HS2ST1: variants seen among roughly 807,000 people sequenced by gnomAD.
HS2ST1 encodes the protein 2-O-sulfotransferase.
Under a neutral mutation model 42.9 loss-of-function variants are expected in HS2ST1, and 18 were observed. That is an observed-to-expected ratio of 0.42 (90% confidence interval 0.29 to 0.62). HS2ST1 has a LOEUF of 0.62. HS2ST1 is among the 20% of genes least tolerant of loss of function. The probability of loss-of-function intolerance (pLI) is 0.21; values close to 1 mark genes in which losing one functional copy is unlikely to be tolerated. For missense variants in HS2ST1, 334 were observed against 433.8 expected (o/e 0.77, Z 2.04); for synonymous variants, 146 against 152.9 (o/e 0.95, Z 0.33).
At chr1:86,917,731 T>C (rs1430473717) in intron 1 of HS2ST1, among the ~76,000 whole-genome samples, 1 of 152,202 alleles carries the variant, frequency 6.6e-6, no homozygotes, top group Non-Finnish European at 1.5e-5. Flanking sequence ...ATTTAGGTAT[T>C]TGAATAGAGT....
chr1:87,084,053 T>C, intron 2 of HS2ST1, 141 bp from the exon 3 acceptor site: 7 of 515,932 alleles, frequency 1.4e-5, no homozygotes, highest in Non-Finnish European at 2.4e-5. Flanking sequence ...GATTACAGTA[T>C]ACTTTCCTTA....
At chr1:87,006,976 TATAAAA>T (rs1347446671) in intron 1 of HS2ST1, among the ~76,000 whole-genome samples, 1 of 152,052 alleles carries the variant, frequency 6.6e-6, no homozygotes, top group African/African-American at 2.4e-5. Context: ...ATAGCAGTCT[TATAAAA>T]GAGAAGATAT....
At chr1:86,963,873 G>A (rs534921352) in intron 1 of HS2ST1, among the ~76,000 whole-genome samples, 2 of 149,228 alleles carry the variant, frequency 1.3e-5, no homozygotes, top group African/African-American at 2.5e-5. Context: ...GTGGCTGGCC[G>A]GGCGGGGCGG....
intron 1 of HS2ST1, among the ~76,000 whole-genome samples, chr1:87,032,667 T>C (rs1650269227): frequency 6.6e-6 from 1 of 152,176 alleles, no homozygotes; most frequent in African/African-American, 2.4e-5. Context: ...GTAATCAGGA[T>C]TCTCCTTATT....
At chr1:86,952,342 A>G (rs1191982278) in intron 1 of HS2ST1, among the ~76,000 whole-genome samples, 1 of 151,950 alleles carries the variant, frequency 6.6e-6, no homozygotes, top group Non-Finnish European at 1.5e-5. Context: ...GGCTCAAGTG[A>G]TTCTCCTGCC....
At position 87,103,542 on chromosome 1, in the gene HS2ST1, C is replaced by T; in HGVS notation, c.797C>T (p.Ala266Val). The T allele has an allele frequency of 2.5e-6, 4 of 1,611,866 alleles. No individual in the cohort carries two copies. The highest frequency in any genetic ancestry group is 2.5e-6 in the Non-Finnish European group (3 of 1,179,058). The change falls in exon 6 of 7, where the codon GCA (alanine) becomes GTA (valine). Residue 266 changes from alanine to valine, a missense_variant. Ala to Val is a moderately conservative substitution (Grantham distance 64, BLOSUM62 0). Coordinates refer to ENST00000370550, the MANE Select transcript of HS2ST1 (RefSeq NM_012262.4). Reference sequence around the variant, plus strand: ...GAAGATTTTATCATGTTATTGGAGGCAGCATTGCCCCGGTTTTTCAGGGGT... The same window carrying T: ...GAAGATTTTATCATGTTATTGGAGGTAGCATTGCCCCGGTTTTTCAGGGGT... ...ELEDFIMLLEAALPRFFRGAT... is the reference protein window; with the variant it reads ...ELEDFIMLLEVALPRFFRGAT...
intron 1 of HS2ST1, chr1:87,064,421 A>G (rs745769056): frequency 2.1e-5 from 11 of 513,808 alleles, no homozygotes; most frequent in South Asian, 1.4e-4. Flanking sequence ...AGAAGGGGCA[A>G]TAGTGAAACA....
intron 1 of HS2ST1, among the ~76,000 whole-genome samples, chr1:86,963,704 G>A (rs1455989584): frequency 3.3e-5 from 5 of 151,694 alleles, no homozygotes; most frequent in African/African-American, 9.7e-5. Flanking sequence ...GCCGGGCAGA[G>A]GGGCTTCTCA....
chr1:86,958,741 TTAATACCAAAGAGTACC>T (rs1647742790), intron 1 of HS2ST1, among the ~76,000 whole-genome samples: 1 of 152,178 alleles, frequency 6.6e-6, no homozygotes, highest in Non-Finnish European at 1.5e-5. Flanking sequence ...AGCATTACTC[TTAATACCAAAGAGTACC>T]TAATACCGAA....
At chr1:87,088,728 T>TG (rs1351507733) in intron 3 of HS2ST1, among the ~76,000 whole-genome samples, 3 of 152,074 alleles carry the variant, frequency 2.0e-5, no homozygotes, top group African/African-American at 7.2e-5. Flanking sequence ...TTGTTAGACT[T>TG]GCTCTTTATT....
intron 1 of HS2ST1, among the ~76,000 whole-genome samples, chr1:87,047,533 A>G (rs187875492): frequency 1.3e-5 from 2 of 152,230 alleles, no homozygotes; most frequent in East Asian, 1.9e-4. Context: ...AAGTTTTATA[A>G]TTTTAGCTCT....
At chr1:87,002,976 C>T (rs1182901175) in intron 1 of HS2ST1, among the ~76,000 whole-genome samples, 1 of 152,238 alleles carries the variant, frequency 6.6e-6, no homozygotes, top group Non-Finnish European at 1.5e-5. Flanking sequence ...AACTACTCTT[C>T]TCTCGAAGCA....
intron 1 of HS2ST1, among the ~76,000 whole-genome samples, chr1:86,963,013 T>C (rs1647896090): frequency 6.6e-6 from 1 of 152,216 alleles, no homozygotes; most frequent in African/African-American, 2.4e-5. Context: ...AGAGGTGGTA[T>C]TGCTGTATTT....
At chr1:86,926,722 T>A (rs1344155089) in intron 1 of HS2ST1, among the ~76,000 whole-genome samples, 1 of 152,208 alleles carries the variant, frequency 6.6e-6, no homozygotes, top group Non-Finnish European at 1.5e-5. Flanking sequence ...TGAATTATAC[T>A]TAGTAATTAA....
chr1:87,064,288 A>G (rs6673018), intron 1 of HS2ST1, among the ~76,000 whole-genome samples: 2,293 of 152,266 alleles, frequency 0.015, 60 homozygotes, highest in African/African-American at 0.052. Flanking sequence ...GGCATAAATA[A>G]AACTTAGGGC....
chr1:86,927,806 G>A (rs1660452576), intron 1 of HS2ST1, among the ~76,000 whole-genome samples: 1 of 152,102 alleles, frequency 6.6e-6, no homozygotes, highest in Non-Finnish European at 1.5e-5. Context: ...ATGTAATTTA[G>A]AGATGTTATT....
At chr1:86,934,117 A>G (rs1660596439) in intron 1 of HS2ST1, among the ~76,000 whole-genome samples, 1 of 152,090 alleles carries the variant, frequency 6.6e-6, no homozygotes, top group Non-Finnish European at 1.5e-5. Flanking sequence ...TACTTAAGTG[A>G]GAAAGTAGGA....
chr1:87,094,840 C>T (rs1452616140), intron 4 of HS2ST1, among the ~76,000 whole-genome samples: 1 of 152,004 alleles, frequency 6.6e-6, no homozygotes, highest in Non-Finnish European at 1.5e-5. Flanking sequence ...TTATAAAATA[C>T]ACATTAATAT....
chr1:87,045,329 T>C (rs984978013), intron 1 of HS2ST1: 9 of 1,245,270 alleles, frequency 7.2e-6, no homozygotes, highest in Non-Finnish European at 9.5e-6. Flanking sequence ...CATTCCAAAT[T>C]CTGACAACTT....
Sources: allele counts gnomAD v4.1 joint callset (sites outside exome capture counted in the v4.1 genomes callset), GRCh38; gene constraint gnomAD v4.1.1; transcripts MANE v1.5; gene names NCBI Gene and HGNC (gene_info 2026-07-23, HGNC 2026-07-21).